The following DBH variants were observed in gnomAD, a reference collection of about 807,000 sequenced individuals.
The protein encoded by DBH is dopamine beta-hydroxylase, also known as dopamine beta-hydroxylase (dopamine beta-monooxygenase).
DBH carries 49 observed loss-of-function variants against 64.0 expected under a neutral mutation model. That is an observed-to-expected ratio of 0.77 (90% CI 0.61 to 0.97). The LOEUF is 0.97. Ranked by LOEUF, DBH falls within the 50% of genes least tolerant of loss-of-function variation. The pLI, the probability that DBH is intolerant of heterozygous loss-of-function variation, is 0.00. For synonymous variants in DBH, 343 were observed against 347.1 expected (o/e 0.99, Z 0.13); for missense variants, 828 against 826.6 (o/e 1.00, Z -0.02).
Position 133,656,395 on chromosome 9 carries a change from G to A in DBH, c.1435-128G>A, listed in dbSNP as rs948627324. ...TTGAGGGCAGGGACTCGGTTCCCCA[G>A]AGCATGCCTGGCACGGTGCAGTGAA... On this transcript the variant is annotated intron_variant, in intron 9 of 11. Coordinates refer to ENST00000393056, the MANE Select transcript of DBH (RefSeq NM_000787.4). 10 of 1,338,796 alleles carry A rather than the reference G, an allele frequency of 7.5e-6. No homozygotes were observed. The East Asian group carries it at 1.4e-4, about 19-fold the overall frequency. 82.9% of individuals were successfully genotyped at this position (1,338,796 alleles called of 1,614,324 possible).
At chr9:133,649,916 G>A (rs1217231759) in intron 6 of DBH, among the ~76,000 whole-genome samples, 1 of 152,248 alleles carries the variant, frequency 6.6e-6, no homozygotes, top group Non-Finnish European at 1.5e-5. Context: ...GTAACAGAAT[G>A]AGAATGTTCA....
rs758495189 is a variant in DBH, at chr9:133,647,842, C to T, written c.1025-4C>T. ...TCACCTCCATCCATCCCACCTTCTCCCAGGACGAAACGACTCCTCAGGCAT... is the reference window on the plus strand; with the variant it reads ...TCACCTCCATCCATCCCACCTTCTCTCAGGACGAAACGACTCCTCAGGCAT... On this transcript the variant is annotated splice_region_variant and splice_polypyrimidine_tract_variant and intron_variant, in intron 5 of 11. Transcript: ENST00000393056. 2.5e-5 allele frequency: 40 copies of T among 1,614,102 alleles called. No individual in the cohort carries two copies. Among genetic ancestry groups the T allele is most frequent in the Non-Finnish European group, 3.4e-5 (40 of 1,180,040 alleles).
intron 1 of DBH, among the ~76,000 whole-genome samples, chr9:133,638,575 G>A (rs1832079030): frequency 6.6e-6 from 1 of 152,122 alleles, no homozygotes; most frequent in Admixed American, 6.5e-5. Flanking sequence ...CTGGTTCCTG[G>A]CCCTAGGGTG....
At chr9:133,647,220 T>TA (rs1035652553) in intron 5 of DBH, among the ~76,000 whole-genome samples, 1 of 152,120 alleles carries the variant, frequency 6.6e-6, no homozygotes, top group African/African-American at 2.4e-5. Flanking sequence ...GTAGTAAAAG[T>TA]GGGGGCTGCT....
At chr9:133,639,739 G>A (rs940973032) in intron 1 of DBH, 107 bp from the exon 2 acceptor site, 1 of 1,283,898 alleles carries the variant, frequency 7.8e-7, no homozygotes, top group African/African-American at 1.5e-5. Flanking sequence ...AGCATCCCCA[G>A]ATCAGCTGGC....
intron 2 of DBH, among the ~76,000 whole-genome samples, chr9:133,641,772 G>A (rs1290401589): frequency 3.3e-5 from 5 of 152,218 alleles, no homozygotes; most frequent in Non-Finnish European, 7.3e-5. Context: ...GTGACCATCA[G>A]CAAGCCCCAG....
chr9:133,642,851 C>T (rs1027418334), intron 3 of DBH, among the ~76,000 whole-genome samples: 2 of 152,182 alleles, frequency 1.3e-5, no homozygotes, highest in Non-Finnish European at 2.9e-5. Flanking sequence ...ATAGCAAAGG[C>T]GATAGCTGTC....
intron 10 of DBH, 113 bp downstream of exon 10, chr9:133,656,763 G>C: frequency 3.0e-6 from 4 of 1,354,962 alleles, no homozygotes; most frequent in East Asian, 4.8e-5. Context: ...TAGGAGCAGA[G>C]ACCTGTGGCG....
intron 5 of DBH, among the ~76,000 whole-genome samples, chr9:133,644,687 T>G (rs1832161059): frequency 4.6e-5 from 7 of 151,750 alleles, no homozygotes. Context: ...CAGGGAGAGG[T>G]GTGTGCATAA....
chr9:133,642,589 C>T (rs1276477030), intron 3 of DBH, 125 bp downstream of exon 3: 6 of 1,182,284 alleles, frequency 5.1e-6, no homozygotes, highest in African/African-American at 1.5e-5. Context: ...ATCACTGGAA[C>T]CTCAGGCACC....
chr9:133,651,790 A>T lies in DBH; in HGVS notation c.1335+13A>T. 1 of 1,554,576 alleles carries T rather than the reference A, an allele frequency of 6.4e-7. No individual in the cohort carries two copies. ...CCCTCACTTCCAGGTAGGAACCTGC[A>T]CCCCACCCCTGCCCCGCCCCCACAC... On this transcript the variant is annotated intron_variant, in intron 7 of 11. Transcript: ENST00000393056.
chr9:133,650,690 G>A (rs895317712), intron 6 of DBH, among the ~76,000 whole-genome samples: 7 of 151,726 alleles, frequency 4.6e-5, no homozygotes, highest in African/African-American at 1.7e-4. Flanking sequence ...TGGGATTACA[G>A]GCACGTGCCA....
chr9:133,640,734 C>T (rs2131283887), intron 2 of DBH, among the ~76,000 whole-genome samples: 1 of 152,352 alleles, frequency 6.6e-6, no homozygotes, highest in East Asian at 1.9e-4. Context: ...CACGGGAGGC[C>T]AGTGCCATCG....
At chr9:133,649,154 C>T (rs556900141) in intron 6 of DBH, among the ~76,000 whole-genome samples, 1 of 152,280 alleles carries the variant, frequency 6.6e-6, no homozygotes, top group Admixed American at 6.5e-5. Flanking sequence ...TTTCCTCTGC[C>T]TCTTGGCCAT....
intron 8 of DBH, among the ~76,000 whole-genome samples, 175 bp from the exon 9 acceptor site, chr9:133,652,765 C>T (rs1253021704): frequency 6.6e-6 from 1 of 152,268 alleles, no homozygotes; most frequent in African/African-American, 2.4e-5. Flanking sequence ...TGCTCGGGAA[C>T]ACTCAGCCTG....
intron 1 of DBH, among the ~76,000 whole-genome samples, chr9:133,637,645 T>C (rs928838681): frequency 2.6e-5 from 4 of 152,242 alleles, no homozygotes; most frequent in Non-Finnish European, 5.9e-5. Context: ...CTCTGCATCT[T>C]GGTCTCACCA....
intron 2 of DBH, among the ~76,000 whole-genome samples, chr9:133,640,442 A>G (rs1832105068): frequency 6.6e-6 from 1 of 152,096 alleles, no homozygotes; most frequent in Non-Finnish European, 1.5e-5. Context: ...CACTTTGCCC[A>G]TCTGTAAAAT....
intron 2 of DBH, 65 bp downstream of exon 2, chr9:133,640,057 C>T: frequency 1.9e-6 from 3 of 1,590,656 alleles, no homozygotes; most frequent in Non-Finnish European, 2.6e-6. Flanking sequence ...CATCCTGTGC[C>T]AATGTCATAG....
chr9:133,645,256 C>T (rs1287943263), intron 5 of DBH, among the ~76,000 whole-genome samples: 7 of 144,648 alleles, frequency 4.8e-5, no homozygotes, highest in Admixed American at 2.8e-4. Flanking sequence ...TTTTTTTTTT[C>T]CTGGCTGCAT....
Sources: gnomAD v4.1 joint callset for allele counts (sites outside exome capture counted in the v4.1 genomes callset) on GRCh38, gnomAD v4.1.1 for gene constraint, MANE v1.5 for transcripts, NCBI Gene and HGNC (gene_info 2026-07-23, HGNC 2026-07-21) for gene names.